NRP1: variants seen among roughly 807,000 people sequenced by gnomAD.
NRP1 encodes the protein neuropilin-1.
In NRP1, 35 loss-of-function variants were observed where a neutral mutation model predicts 106.7. The observed-to-expected ratio is 0.33, with a 90% CI of 0.25 to 0.43. The LOEUF is 0.43. Among genes scored for constraint, NRP1 ranks in the 20% least tolerant of loss-of-function variants. The pLI is 1.00. For missense variants in NRP1, 1,024 were observed against 1,170.4 expected, an observed-to-expected ratio of 0.87 and a Z score of 1.83; for synonymous variants, 437 against 417.9, an observed-to-expected ratio of 1.05 and a Z score of -0.56.
At chr10:33,324,623 C>G (rs1383507731) in intron 2 of NRP1, among the ~76,000 whole-genome samples, 1 of 152,156 alleles carries the variant, frequency 6.6e-6, no homozygotes, top group Non-Finnish European at 1.5e-5. Flanking sequence ...TGTCTATGTT[C>G]AAGGATAGTA....
Position 33,202,702 on chromosome 10 carries a change from C to T in NRP1, c.1864+189G>A, listed in dbSNP as rs555129478. 1.9e-6 allele frequency: 3 copies of T among 1,551,126 alleles called. No individual in the cohort carries two copies. In the Admixed American group the frequency reaches 5.9e-5, roughly 30 times the overall value. ...AAATTATTGTTACAAATGGTTGTGG[C>T]TATTAAGAACAACTCATCTATCCAG... On this transcript the variant is annotated intron_variant, in intron 11 of 16. Coordinates refer to ENST00000374867, the MANE Select transcript of NRP1 (RefSeq NM_003873.7).
At chr10:33,282,231 A>T (rs1844191921) in intron 2 of NRP1, among the ~76,000 whole-genome samples, 1 of 152,144 alleles carries the variant, frequency 6.6e-6, no homozygotes, top group Non-Finnish European at 1.5e-5. Context: ...TGCAGCACTG[A>T]ATTTGCTCAA....
intron 11 of NRP1, among the ~76,000 whole-genome samples, chr10:33,198,976 G>A (rs1005531869): frequency 6.6e-6 from 1 of 152,040 alleles, no homozygotes. Flanking sequence ...CACTGGTCAG[G>A]GGACAGGCTG....
At chr10:33,191,977 C>CAAAA (rs58214479) in intron 13 of NRP1, among the ~76,000 whole-genome samples, 1 of 71,736 alleles carries the variant, frequency 1.4e-5, no homozygotes, top group Non-Finnish European at 3.1e-5. Flanking sequence ...GACTCCATTT[C>CAAAA]AAAAAAAAAA....
intron 2 of NRP1, among the ~76,000 whole-genome samples, chr10:33,277,628 C>T (rs558795683): frequency 6.6e-6 from 1 of 152,216 alleles, no homozygotes; most frequent in Non-Finnish European, 1.5e-5. Flanking sequence ...AACCTGGCTG[C>T]TGTCCTCCCA....
intron 3 of NRP1, among the ~76,000 whole-genome samples, chr10:33,269,660 A>G (rs1310015280): frequency 6.6e-6 from 1 of 152,220 alleles, no homozygotes; most frequent in Non-Finnish European, 1.5e-5. Context: ...GGCGAGTGGC[A>G]GGCGAGCAAA....
chr10:33,180,470 G>A (rs760860172), intron 16 of NRP1, 105 bp from the exon 17 acceptor site: 5 of 1,151,428 alleles, frequency 4.3e-6, no homozygotes, highest in Non-Finnish European at 6.1e-6. Context: ...ACACACCCCA[G>A]TTTTGCCTGT....
intron 6 of NRP1, among the ~76,000 whole-genome samples, chr10:33,252,456 A>G (rs773474132): frequency 6.6e-6 from 1 of 152,216 alleles, no homozygotes; most frequent in East Asian, 1.9e-4. Flanking sequence ...GCGGCTGTAA[A>G]CATTCAGCCT....
Position 33,202,891 on chromosome 10 carries a change from C to A in NRP1, c.1864G>T (p.Gly622Cys). 2 of 1,614,236 alleles carry A rather than the reference C, an allele frequency of 1.2e-6. No homozygotes were observed. Among genetic ancestry groups the A allele is most frequent in the Non-Finnish European group, 8.5e-7 (1 of 1,180,040 alleles). Residue 622 changes from glycine to cysteine, a missense_variant and splice_region_variant, in exon 11 of 17, where the codon GGT becomes TGT. Gly to Cys is a radical substitution (Grantham distance 159, BLOSUM62 -3). Coordinates refer to ENST00000374867, the MANE Select transcript of NRP1 (RefSeq NM_003873.7). ...AATGGGATGAAGATGGTTTCTGCAC[C>A]TGTGAGCTGGAAGTCATCACCTGTT... The part of the protein sequence containing the change: ...SGTGDDFQLT[G>C]GTTVLATEKP...
At chr10:33,239,184 G>A (rs1047018832) in intron 6 of NRP1, among the ~76,000 whole-genome samples, 18 of 151,842 alleles carry the variant, frequency 1.2e-4, no homozygotes, top group Admixed American at 5.9e-4. Flanking sequence ...CAGCTACTTG[G>A]GAGGCTGAGG....
At position 33,177,714 on chromosome 10, in the gene NRP1, C is replaced by T. The variant is rs982867454; in HGVS notation, c.*2362G>A. 10 of 152,492 alleles carry T rather than the reference C, an allele frequency of 6.6e-5. No homozygotes were observed. The highest frequency in any genetic ancestry group is 2.2e-4 in the African/African-American group (9 of 41,410). 9.4% of individuals were successfully genotyped at this position (152,492 alleles called of 1,614,324 possible). ...TAATAATTTCTGTAAAAAAAATCTG[C>T]ACAAAATCTTATGATGGTACAAAAC... On this transcript the variant is annotated 3_prime_UTR_variant, in exon 17 of 17. Transcript: ENST00000374867.
chr10:33,307,075 C>T (rs926629780), intron 2 of NRP1, among the ~76,000 whole-genome samples: 12 of 152,138 alleles, frequency 7.9e-5, no homozygotes, highest in African/African-American at 2.4e-4. Context: ...GTTTCCAAAT[C>T]GCTTTGCAAC....
chr10:33,292,862 C>T (rs1845101066), intron 2 of NRP1, among the ~76,000 whole-genome samples: 1 of 152,114 alleles, frequency 6.6e-6, no homozygotes, highest in South Asian at 2.1e-4. Context: ...GTGGCACACA[C>T]CTGTAATCTC....
chr10:33,257,790 A>G (rs1842299425), intron 4 of NRP1, among the ~76,000 whole-genome samples: 2 of 152,108 alleles, frequency 1.3e-5, no homozygotes, highest in African/African-American at 4.8e-5. Flanking sequence ...TGTCCTGATC[A>G]TCGACAAGCC....
chr10:33,242,548 T>C (rs1294242934), intron 6 of NRP1, among the ~76,000 whole-genome samples: 1 of 152,224 alleles, frequency 6.6e-6, no homozygotes, highest in Non-Finnish European at 1.5e-5. Context: ...AAAAATTCTT[T>C]TCTCTTCTCC....
At chr10:33,229,820 G>T (rs1285850173) in intron 6 of NRP1, among the ~76,000 whole-genome samples, 1 of 151,992 alleles carries the variant, frequency 6.6e-6, no homozygotes, top group Non-Finnish European at 1.5e-5. Flanking sequence ...AAAAAAGAAA[G>T]ATTTTTTTTT....
In NRP1 at chr10:33,256,301, T is replaced by C; in HGVS notation, c.814+15A>G. The C allele has an allele frequency of 6.2e-7, 1 of 1,612,898 alleles. No homozygotes were observed. The highest frequency in any genetic ancestry group is 8.5e-7 in the Non-Finnish European group (1 of 1,179,036). On this transcript the variant is annotated intron_variant, in intron 5 of 16. Coordinates refer to ENST00000374867, the MANE Select transcript of NRP1 (RefSeq NM_003873.7). Reference sequence around the variant, plus strand: ...GTATTTACCACAGGGCTTTGCAAAATGAATAAACACTGACCTTCTGAGACA... The same window carrying C: ...GTATTTACCACAGGGCTTTGCAAAACGAATAAACACTGACCTTCTGAGACA...
intron 9 of NRP1, among the ~76,000 whole-genome samples, chr10:33,208,354 G>A (rs1837990386): frequency 6.6e-6 from 1 of 152,218 alleles, no homozygotes; most frequent in Admixed American, 6.5e-5. Flanking sequence ...CACCTGGCAT[G>A]AGTTGGCACC....
rs530335290 is a variant in NRP1, at chr10:33,255,422, C to T, written c.814+894G>A. Among the ~76,000 whole-genome samples the T allele has an allele frequency of 6.9e-4, 105 of 152,274 alleles. 1 individual carries two copies. The highest frequency in any genetic ancestry group is 2.5e-3 in the African/African-American group (105 of 41,558). Reference sequence around the variant, plus strand: ...CTACTTTACAGCCTGGCAGCTAGAGCTGATAATTGCACAAACAATTTTTTC... The same window carrying T: ...CTACTTTACAGCCTGGCAGCTAGAGTTGATAATTGCACAAACAATTTTTTC... On this transcript the variant is annotated intron_variant, in intron 5 of 16. Coordinates refer to ENST00000374867, the MANE Select transcript of NRP1 (RefSeq NM_003873.7).
Sources: allele counts gnomAD v4.1 joint callset (sites outside exome capture counted in the v4.1 genomes callset), GRCh38; gene constraint gnomAD v4.1.1; transcripts MANE v1.5; gene names NCBI Gene and HGNC (gene_info 2026-07-23, HGNC 2026-07-21).